The following ANGPTL5 variants were observed in gnomAD, a reference collection of about 807,000 sequenced individuals.
The protein encoded by ANGPTL5 is angiopoietin-related protein 5.
A neutral mutation model predicts 39.4 loss-of-function variants in ANGPTL5; 34 were observed. That is an observed-to-expected ratio of 0.86 (90% CI 0.66 to 1.15). The LOEUF (loss-of-function observed/expected upper bound fraction) is 1.15. ANGPTL5 is among the 50% of genes most tolerant of loss of function. The pLI, the probability that ANGPTL5 is intolerant of heterozygous loss-of-function variation, is 0.00. For synonymous variants in ANGPTL5, 146 were observed against 152.1 expected, an observed-to-expected ratio of 0.96 and a Z score of 0.29; for missense variants, 467 against 457.5, an observed-to-expected ratio of 1.02 and a Z score of -0.19.
intron 5 of ANGPTL5, 123 bp from the exon 6 acceptor site, chr11:101,902,844 C>A: frequency 1.8e-5 from 11 of 607,424 alleles, no homozygotes; most frequent in South Asian, 4.9e-5. Context: ...TTAACTTCTT[C>A]AAAATGAAAA....
chr11:101,910,211 G>A, intron 1 of ANGPTL5, among the ~76,000 whole-genome samples: 1 of 151,994 alleles, frequency 6.6e-6, no homozygotes, highest in East Asian at 1.9e-4. Context: ...GGGAGTTTGA[G>A]GCCAGCCTGA....
intron 3 of ANGPTL5, among the ~76,000 whole-genome samples, chr11:101,906,611 G>A (rs1940000938): frequency 6.6e-6 from 1 of 152,068 alleles, no homozygotes; most frequent in Non-Finnish European, 1.5e-5. Context: ...CCCTATGTGA[G>A]TTTTACCCAA....
At chr11:101,913,432 C>T (rs182590077) in intron 1 of ANGPTL5, among the ~76,000 whole-genome samples, 1 of 152,298 alleles carries the variant, frequency 6.6e-6, no homozygotes, top group Admixed American at 6.5e-5. Flanking sequence ...AAATCTCCTA[C>T]CTCAACATCC....
Position 101,898,146 on chromosome 11 carries a change from C to T in ANGPTL5, c.661+2284G>A, listed in dbSNP as rs573248527. On this transcript the variant is annotated intron_variant, in intron 7 of 8. Transcript: ENST00000334289. ...GCTGAGGCAGGAGAATCGCTTGAACCCAGCAGGCAGAGGTTGCAGTGAGCC... is the reference window on the plus strand; with the variant it reads ...GCTGAGGCAGGAGAATCGCTTGAACTCAGCAGGCAGAGGTTGCAGTGAGCC... 2.6e-5 allele frequency among the ~76,000 whole-genome samples: 4 copies of T among 152,192 alleles called. No individual in the cohort carries two copies. The South Asian group carries it at 8.3e-4, about 32-fold the overall frequency.
intron 1 of ANGPTL5, among the ~76,000 whole-genome samples, chr11:101,910,182 G>A (rs943970581): frequency 5.3e-5 from 8 of 151,942 alleles, no homozygotes; most frequent in Non-Finnish European, 7.4e-5. Context: ...AGGCTGAGGC[G>A]GGCGGATTAC....
Position 101,900,518 on chromosome 11 carries a change from T to C in ANGPTL5, c.573A>G (p.Gly191=). The change falls in exon 7 of 9, where the codon GGA becomes GGG. Residue 191 remains glycine, a synonymous_variant. Transcript: ENST00000334289. The stretch of plus-strand genomic sequence containing the variant: ...CAATTCTTTTCTGTATCACAGTCCG[T>C]CCACCTCCTCTGTAATCCATGTCAC... ...VMCDMDYRGG[G]RTVIQKRIDG... is the part of the protein sequence containing the mutation. 1.2e-6 allele frequency: 2 copies of C among 1,611,550 alleles called. No individual in the cohort carries two copies. The highest frequency in any genetic ancestry group is 2.2e-5 in the South Asian group (2 of 91,028).
In ANGPTL5 at chr11:101,915,344, G is replaced by A. The variant is rs746685985; in HGVS notation, c.-93+675C>T. The stretch of plus-strand genomic sequence containing the variant: ...TCGGGGAACTGGGCACTGAATCATC[G>A]GACAACCTCGACAGAGCCCCCCTCG... On this transcript the variant is annotated intron_variant, in intron 1 of 8. Transcript: ENST00000334289. 3.1e-6 allele frequency: 5 copies of A among 1,613,836 alleles called. No individual in the cohort carries two copies. In the African/African-American group the frequency reaches 5.3e-5, roughly 17 times the overall value.
chr11:101,896,814 G>A (rs1447781924), intron 7 of ANGPTL5, among the ~76,000 whole-genome samples: 4 of 152,246 alleles, frequency 2.6e-5, no homozygotes, highest in African/African-American at 4.8e-5. Context: ...TGCAATACAC[G>A]TACATGTACA....
At chr11:101,899,511 T>C (rs1939856957) in intron 7 of ANGPTL5, among the ~76,000 whole-genome samples, 1 of 152,218 alleles carries the variant, frequency 6.6e-6, no homozygotes, top group Non-Finnish European at 1.5e-5. Flanking sequence ...TAGAAATAAA[T>C]TTGAAGTAAG....
intron 4 of ANGPTL5, 129 bp downstream of exon 4, chr11:101,905,615 G>T: frequency 1.5e-6 from 1 of 673,022 alleles, no homozygotes; most frequent in Non-Finnish European, 2.5e-6. Context: ...GTTTACTATG[G>T]TGCCTCTAAC....
intron 2 of ANGPTL5, 104 bp from the exon 3 acceptor site, chr11:101,907,351 G>T: frequency 1.4e-6 from 1 of 737,566 alleles, no homozygotes; most frequent in Non-Finnish European, 2.1e-6. Context: ...TTTCAGGAAA[G>T]ACAAGGCTGA....
intron 1 of ANGPTL5, among the ~76,000 whole-genome samples, chr11:101,908,780 C>CAAAAAAAAAAAAAA (rs59041644): frequency 1.5e-4 from 10 of 64,986 alleles, no homozygotes; most frequent in East Asian, 1.5e-3. Context: ...GACTCCATCT[C>CAAAAAAAAAAAAAA]AAAAAAAAAA....
intron 5 of ANGPTL5, among the ~76,000 whole-genome samples, chr11:101,902,976 T>C (rs1939932599): frequency 6.6e-6 from 1 of 152,138 alleles, no homozygotes; most frequent in African/African-American, 2.4e-5. Flanking sequence ...AAAGTTTCAT[T>C]TGGGATCAAC....
intron 8 of ANGPTL5, among the ~76,000 whole-genome samples, chr11:101,892,651 A>G (rs968632701): frequency 1.6e-4 from 25 of 152,218 alleles, no homozygotes; most frequent in African/African-American, 6.0e-4. Flanking sequence ...GTTTCATAAA[A>G]TTCCATAAAG....
intron 5 of ANGPTL5, among the ~76,000 whole-genome samples, chr11:101,903,134 C>A (rs957259819): frequency 6.6e-6 from 1 of 152,104 alleles, no homozygotes; most frequent in African/African-American, 2.4e-5. Context: ...AGTAGATTAA[C>A]CACTACAGAC....
At chr11:101,901,000 C>T (rs34605548) in intron 6 of ANGPTL5, among the ~76,000 whole-genome samples, 137 of 149,064 alleles carry the variant, frequency 9.2e-4, no homozygotes, top group African/African-American at 3.2e-3. Flanking sequence ...TACAGGCGCC[C>T]GCTAGCACCC....
At chr11:101,895,509 C>T (rs1041322413) in intron 7 of ANGPTL5, among the ~76,000 whole-genome samples, 10 of 152,142 alleles carry the variant, frequency 6.6e-5, no homozygotes, top group Non-Finnish European at 1.2e-4. Context: ...TCCAAATCAG[C>T]GGTTCCTGAA....
intron 8 of ANGPTL5, among the ~76,000 whole-genome samples, chr11:101,894,154 G>T (rs1939750673): frequency 6.6e-6 from 1 of 152,090 alleles, no homozygotes; most frequent in African/African-American, 2.4e-5. Context: ...TGTATTTCCA[G>T]TGTTACTTAT....
At chr11:101,911,492 G>A (rs996117180) in intron 1 of ANGPTL5, among the ~76,000 whole-genome samples, 5 of 152,082 alleles carry the variant, frequency 3.3e-5, no homozygotes, top group Admixed American at 1.3e-4. Flanking sequence ...GAAGGTGATT[G>A]GATCATGGGG....
Sources: allele counts gnomAD v4.1 joint callset (sites outside exome capture counted in the v4.1 genomes callset), GRCh38; gene constraint gnomAD v4.1.1; transcripts MANE v1.5; gene names NCBI Gene and HGNC (gene_info 2026-07-23, HGNC 2026-07-21).